PDE8B: variants seen among roughly 807,000 people sequenced by gnomAD.
The protein encoded by PDE8B is high affinity cAMP-specific and IBMX-insensitive 3',5'-cyclic phosphodiesterase 8B.
In PDE8B, 26 loss-of-function variants were observed where a neutral mutation model predicts 101.3. The observed-to-expected ratio is 0.26, with a 90% CI of 0.19 to 0.36. PDE8B has a LOEUF of 0.36. Ranked by LOEUF, PDE8B falls within the 10% of genes least tolerant of loss-of-function variation. The probability of loss-of-function intolerance (pLI) is 1.00; values close to 1 mark genes in which losing one functional copy is unlikely to be tolerated. For missense variants in PDE8B, 810 were observed against 1,163.1 expected, an observed-to-expected ratio of 0.70 and a Z score of 4.42; for synonymous variants, 424 against 429.3, an observed-to-expected ratio of 0.99 and a Z score of 0.15.
At chr5:77,219,060 A>G (rs1220427719) in intron 1 of PDE8B, among the ~76,000 whole-genome samples, 1 of 152,186 alleles carries the variant, frequency 6.6e-6, no homozygotes, top group Non-Finnish European at 1.5e-5. Flanking sequence ...TCCAAGGCCC[A>G]AGCTGGGGTT....
At chr5:77,267,264 C>T (rs1008007311) in intron 1 of PDE8B, among the ~76,000 whole-genome samples, 1 of 151,834 alleles carries the variant, frequency 6.6e-6, no homozygotes, top group African/African-American at 2.4e-5. Context: ...GCGGGGAAAC[C>T]CCATCTCTAC....
intron 11 of PDE8B, among the ~76,000 whole-genome samples, chr5:77,401,983 T>A (rs1792381106): frequency 6.6e-6 from 1 of 152,362 alleles, no homozygotes; most frequent in Admixed American, 6.5e-5. Flanking sequence ...GGCCACAGCC[T>A]TGAAGCTAAC....
At chr5:77,298,777 G>A (rs571997487) in intron 1 of PDE8B, among the ~76,000 whole-genome samples, 39 of 152,276 alleles carry the variant, frequency 2.6e-4, no homozygotes, top group Non-Finnish European at 4.1e-4. Context: ...CCTCAGCTCC[G>A]TGAATTGGTC....
chr5:77,314,621 C>A (rs934637310), intron 2 of PDE8B, among the ~76,000 whole-genome samples: 1 of 152,024 alleles, frequency 6.6e-6, no homozygotes, highest in Non-Finnish European at 1.5e-5. Context: ...TAATCCTAAG[C>A]ATTATGTATT....
At chr5:77,294,336 C>A (rs567030711) in intron 1 of PDE8B, among the ~76,000 whole-genome samples, 2 of 152,184 alleles carry the variant, frequency 1.3e-5, no homozygotes, top group Non-Finnish European at 2.9e-5. Context: ...GACCCAGAAA[C>A]TTCTCTCAAC....
the PDE8B span, among the ~76,000 whole-genome samples, chr5:77,159,498 G>A: frequency 6.6e-6 from 1 of 152,126 alleles, no homozygotes; most frequent in Admixed American, 6.5e-5. Context: ...TTTGGGACTC[G>A]GACTGGCTCT....
the PDE8B span, among the ~76,000 whole-genome samples, chr5:77,161,385 A>G: frequency 6.6e-6 from 1 of 152,098 alleles, no homozygotes; most frequent in African/African-American, 2.4e-5. Flanking sequence ...ATAGTTTTCC[A>G]TTGTATGATT....
At chr5:77,289,121 G>C (rs1221048412) in intron 1 of PDE8B, among the ~76,000 whole-genome samples, 2 of 152,118 alleles carry the variant, frequency 1.3e-5, no homozygotes, top group African/African-American at 4.8e-5. Context: ...TAGTAGAGTG[G>C]GTTCAGGACT....
At chr5:77,174,397 C>A in the PDE8B span, among the ~76,000 whole-genome samples, 2 of 152,158 alleles carry the variant, frequency 1.3e-5, no homozygotes, top group Non-Finnish European at 2.9e-5. Flanking sequence ...CTTTCCTATT[C>A]TTTCCTTTTT....
intron 1 of PDE8B, among the ~76,000 whole-genome samples, chr5:77,292,857 A>G (rs939002118): frequency 1.3e-5 from 2 of 152,166 alleles, no homozygotes; most frequent in Non-Finnish European, 2.9e-5. Flanking sequence ...TTTTCTTACT[A>G]AAAACCTAAC....
chr5:77,218,658 G>C (rs1234428321), intron 1 of PDE8B, among the ~76,000 whole-genome samples: 1 of 152,198 alleles, frequency 6.6e-6, no homozygotes, highest in Non-Finnish European at 1.5e-5. Flanking sequence ...TTGAACTAGA[G>C]TGTTTTGAAG....
intron 1 of PDE8B, among the ~76,000 whole-genome samples, chr5:77,260,748 C>T (rs1000421398): frequency 2.0e-5 from 3 of 152,064 alleles, no homozygotes; most frequent in East Asian, 1.9e-4. Context: ...CCACCACACC[C>T]AGCTAATTTT....
intron 1 of PDE8B, among the ~76,000 whole-genome samples, chr5:77,258,737 C>CA: frequency 6.6e-6 from 1 of 152,240 alleles, no homozygotes; most frequent in African/African-American, 2.4e-5. Flanking sequence ...TGATCTTAAT[C>CA]AAAACTCCCA....
At chr5:77,297,239 G>A (rs764625561) in intron 1 of PDE8B, among the ~76,000 whole-genome samples, 12 of 152,160 alleles carry the variant, frequency 7.9e-5, no homozygotes, top group African/African-American at 1.7e-4. Flanking sequence ...ACCTAATCAC[G>A]TCTTAAAGAT....
At chr5:77,150,245 A>G in the PDE8B span, among the ~76,000 whole-genome samples, 1 of 152,150 alleles carries the variant, frequency 6.6e-6, no homozygotes, top group Non-Finnish European at 1.5e-5. Flanking sequence ...TCCTTAGTTG[A>G]TAGAAGCCCT....
At chr5:77,296,645 CGT>C (rs1768646738) in intron 1 of PDE8B, among the ~76,000 whole-genome samples, 1 of 152,098 alleles carries the variant, frequency 6.6e-6, no homozygotes, top group African/African-American at 2.4e-5. Context: ...AATTTTTAAA[CGT>C]GTTGAATTTT....
the PDE8B span, among the ~76,000 whole-genome samples, chr5:77,150,316 A>G: frequency 3.1e-3 from 469 of 152,332 alleles, 1 homozygote; most frequent in Middle Eastern, 0.01. Context: ...TGCAGGACAT[A>G]GAATGTGTGA....
intron 20 of PDE8B, among the ~76,000 whole-genome samples, chr5:77,424,157 A>G (rs957915059): frequency 6.6e-6 from 1 of 152,150 alleles, no homozygotes; most frequent in Non-Finnish European, 1.5e-5. Context: ...AGGCTGCTTG[A>G]TCGACTGACC....
At chr5:77,353,295 T>G (rs149249662) in intron 9 of PDE8B, 51 bp from the exon 10 acceptor site, 2 of 971,908 alleles carry the variant, frequency 2.1e-6, no homozygotes, top group African/African-American at 3.2e-5. Flanking sequence ...TTTGCTGATT[T>G]GTTGAATCAT....
Sources: gnomAD v4.1 joint callset for allele counts (sites outside exome capture counted in the v4.1 genomes callset) on GRCh38, gnomAD v4.1.1 for gene constraint, MANE v1.5 for transcripts, NCBI Gene and HGNC (gene_info 2026-07-23, HGNC 2026-07-21) for gene names.